Variants in TEX2 observed in about 807,000 individuals in gnomAD.
TEX2 encodes the protein testis expressed 2.
In TEX2, 53 loss-of-function variants were observed where a neutral mutation model predicts 106.9. That is an observed-to-expected ratio of 0.50 (90% confidence interval 0.40 to 0.62). TEX2 has a LOEUF of 0.62. Ranked by LOEUF, TEX2 falls within the 20% of genes least tolerant of loss-of-function variation. The pLI is 0.00. For synonymous variants in TEX2, 523 were observed against 534.8 expected (o/e 0.98, Z 0.30); for missense variants, 1,207 against 1,379.0 (o/e 0.88, Z 1.98).
At chr17:64,202,153 C>A (rs1311330925) in intron 2 of TEX2, among the ~76,000 whole-genome samples, 1 of 152,156 alleles carries the variant, frequency 6.6e-6, no homozygotes, top group Non-Finnish European at 1.5e-5. Flanking sequence ...ATTTTCAGGA[C>A]AGAAATCGGA....
intron 1 of TEX2, among the ~76,000 whole-genome samples, chr17:64,256,778 C>T (rs1555637798): frequency 6.6e-6 from 1 of 152,168 alleles, no homozygotes; most frequent in Non-Finnish European, 1.5e-5. Flanking sequence ...CAAATACTTG[C>T]TGAATGACGA....
In TEX2 at chr17:64,167,697, T is replaced by G. The variant is rs2031202582; in HGVS notation, c.2671+3403A>C. 2.0e-5 allele frequency among the ~76,000 whole-genome samples: 3 copies of G among 152,198 alleles called. No individual in the cohort carries two copies. The South Asian group carries it at 6.2e-4, about 32-fold the overall frequency. On this transcript the variant is annotated intron_variant, in intron 7 of 11. Coordinates refer to ENST00000584379, the MANE Select transcript of TEX2 (RefSeq NM_001288732.2). ...AGCCAGTCATGGTGGCAGGTGCCTG[T>G]AATCCCAGCTACTTGGGAGGCTGAG...
intron 7 of TEX2, among the ~76,000 whole-genome samples, chr17:64,168,139 G>A (rs1446210076): frequency 6.6e-6 from 1 of 152,198 alleles, no homozygotes; most frequent in African/African-American, 2.4e-5. Flanking sequence ...TTCCCTGGAA[G>A]GTGAGCTCTG....
rs534672060 is a variant in TEX2 at position 64,217,444 on chromosome 17, G to A, written c.-25-3202C>T. On this transcript the variant is annotated intron_variant, in intron 1 of 11. Coordinates refer to ENST00000584379, the MANE Select transcript of TEX2 (RefSeq NM_001288732.2). The surrounding 1 kb of genome is among the most constrained non-coding windows in gnomAD (Gnocchi z 4.3). ...TTCCTGACACTGAGGCCCGATGCCC[G>A]GCAGGGTGCCTTTTCAAACATGCCA... is the stretch of plus-strand genomic sequence containing the variant. 2.0e-5 allele frequency among the ~76,000 whole-genome samples: 3 copies of A among 152,298 alleles called. No homozygotes were observed. The highest frequency in any genetic ancestry group is 2.1e-4 in the South Asian group (1 of 4,826).
At chr17:64,189,125 C>T (rs1335666379) in intron 4 of TEX2, among the ~76,000 whole-genome samples, 1 of 151,880 alleles carries the variant, frequency 6.6e-6, no homozygotes, top group Admixed American at 6.6e-5. Context: ...GTCTTTCATT[C>T]GACAAATTAT....
chr17:64,210,312 T>C (rs1418704383), intron 2 of TEX2, among the ~76,000 whole-genome samples: 4 of 152,108 alleles, frequency 2.6e-5, no homozygotes, highest in African/African-American at 4.8e-5. Context: ...CATAACATAT[T>C]GCCATGTGAA....
chr17:64,153,916 G>C lies in TEX2; in HGVS notation c.2931-762C>G, dbSNP rs1188836064. ...CACTGCACTCCAGGCCTGGGTGACA[G>C]AGCAAGATGCTGTCTCAAGAAAACA... On this transcript the variant is annotated intron_variant, in intron 9 of 11. Transcript: ENST00000584379. The surrounding 1 kb of genome is among the most constrained non-coding windows in gnomAD (Gnocchi z 4.1). 2.0e-5 allele frequency among the ~76,000 whole-genome samples: 3 copies of C among 152,208 alleles called. No individual in the cohort carries two copies. The highest frequency in any genetic ancestry group is 2.1e-4 in the South Asian group (1 of 4,838).
chr17:64,212,326 A>T (rs538528820), intron 2 of TEX2, among the ~76,000 whole-genome samples: 1 of 152,364 alleles, frequency 6.6e-6, no homozygotes, highest in East Asian at 1.9e-4. Flanking sequence ...ACAGGAACTG[A>T]TGTAAACACT....
intron 1 of TEX2, among the ~76,000 whole-genome samples, chr17:64,233,702 A>G (rs1362128084): frequency 1.3e-5 from 2 of 152,250 alleles, no homozygotes; most frequent in African/African-American, 4.8e-5. Flanking sequence ...GTCTACACCT[A>G]CCTTGCAAGG....
chr17:64,178,395 A>G (rs1478633020), intron 5 of TEX2, among the ~76,000 whole-genome samples: 3 of 152,184 alleles, frequency 2.0e-5, no homozygotes, highest in Non-Finnish European at 4.4e-5. Context: ...GCAGCTGTCC[A>G]CTGACCACAT....
In TEX2 at chr17:64,257,442, A is replaced by G. The variant is rs781898883; in HGVS notation, c.-26+5726T>C. Among the ~76,000 whole-genome samples the G allele has an allele frequency of 9.8e-5, 15 of 152,358 alleles. 1 individual carries two copies. The highest frequency in any genetic ancestry group is 5.9e-5 in the Non-Finnish European group (4 of 68,038). On this transcript the variant is annotated intron_variant, in intron 1 of 11. Transcript: ENST00000584379. ...TCCCCACTTATCTGCAGTTTCCGTCACCCATAGCCAACCAAGTTCTGAAAA... is the reference window on the plus strand; with the variant it reads ...TCCCCACTTATCTGCAGTTTCCGTCGCCCATAGCCAACCAAGTTCTGAAAA...
intron 8 of TEX2, 134 bp downstream of exon 8, chr17:64,160,667 C>G: frequency 8.7e-7 from 1 of 1,151,242 alleles, no homozygotes; most frequent in Non-Finnish European, 1.2e-6. Flanking sequence ...CTGAAATGCT[C>G]TGGTCCAGGA....
In TEX2 at chr17:64,171,149, C is replaced by T. The variant is rs2031376818; in HGVS notation, c.2622G>A (p.Val874=). ...ELTLTELDMG[V]AVPKILQAFK... is the part of the protein sequence containing the mutation. ...AGGCCTGGAGGATTTTTGGCACAGC[C>T]ACGCCCATGTCAAGTTCCGTCAGAG... The change falls in exon 7 of 12, where the codon GTG becomes GTA. Residue 874 remains valine, a synonymous_variant. Coordinates refer to ENST00000584379, the MANE Select transcript of TEX2 (RefSeq NM_001288732.2). The T allele has an allele frequency of 1.2e-6, 2 of 1,614,012 alleles. No individual in the cohort carries two copies. Among genetic ancestry groups the T allele is most frequent in the Non-Finnish European group, 1.7e-6 (2 of 1,179,966 alleles).
chr17:64,155,036 C>T (rs2030553025), intron 8 of TEX2, 69 bp from the exon 9 acceptor site: 2 of 1,449,258 alleles, frequency 1.4e-6, no homozygotes, highest in Non-Finnish European at 1.8e-6. Context: ...AGAACACACA[C>T]ACCCATGCAC....
intron 1 of TEX2, among the ~76,000 whole-genome samples, chr17:64,251,850 T>C (rs1483166340): frequency 6.6e-6 from 1 of 152,204 alleles, no homozygotes; most frequent in Non-Finnish European, 1.5e-5. Context: ...CACCAGGTAG[T>C]ACCAGGGTCT....
At chr17:64,233,803 T>C (rs2033709478) in intron 1 of TEX2, among the ~76,000 whole-genome samples, 5 of 152,190 alleles carry the variant, frequency 3.3e-5, no homozygotes, top group Admixed American at 3.3e-4. Context: ...AATGAACTCA[T>C]TTAAAATATC....
At chr17:64,192,774 G>A (rs113821122) in intron 4 of TEX2, among the ~76,000 whole-genome samples, 1,947 of 152,272 alleles carry the variant, frequency 0.013, 52 homozygotes, top group African/African-American at 0.045. Flanking sequence ...GCACTCTGAA[G>A]CAATGTGTGA....
At chr17:64,221,004 T>C (rs189905174) in intron 1 of TEX2, among the ~76,000 whole-genome samples, 2 of 152,284 alleles carry the variant, frequency 1.3e-5, no homozygotes, top group Admixed American at 1.3e-4. Context: ...ATATACACCA[T>C]GGAATACTAT....
intron 1 of TEX2, among the ~76,000 whole-genome samples, chr17:64,254,152 G>T (rs1340551319): frequency 6.6e-6 from 1 of 152,168 alleles, no homozygotes; most frequent in Non-Finnish European, 1.5e-5. Flanking sequence ...TTCACTCAGA[G>T]ATTCACTCCT....
Sources: gnomAD v4.1 joint callset for allele counts (sites outside exome capture counted in the v4.1 genomes callset) on GRCh38, gnomAD v4.1.1 for gene constraint, Gnocchi (gnomAD v3.1) non-coding constraint, MANE v1.5 for transcripts, NCBI Gene and HGNC (gene_info 2026-07-23, HGNC 2026-07-21) for gene names.